TCF12: variants seen among roughly 807,000 people sequenced by gnomAD.
TCF12 encodes DNA-binding protein HTF4.
TCF12 carries 45 observed loss-of-function variants against 86.0 expected under a neutral mutation model. That is an observed-to-expected ratio of 0.52 (90% CI 0.41 to 0.67). The LOEUF is 0.67. TCF12 is among the 30% of genes least tolerant of loss of function. TCF12 has a pLI of 0.00. For missense variants in TCF12, 881 were observed against 859.9 expected (o/e 1.02, Z -0.31); for synonymous variants, 330 against 299.6 (o/e 1.10, Z -1.05).
At chr15:56,963,390 G>T (rs867453392) in intron 3 of TCF12, among the ~76,000 whole-genome samples, 2 of 152,266 alleles carry the variant, frequency 1.3e-5, no homozygotes, top group Middle Eastern at 3.4e-3. Flanking sequence ...GACAGTATAT[G>T]CTGCTTTTTG....
chr15:57,282,982 A>T (rs368676575), intron 20 of TCF12, among the ~76,000 whole-genome samples: 1 of 152,158 alleles, frequency 6.6e-6, no homozygotes, highest in Admixed American at 6.5e-5. Flanking sequence ...TATATCATCA[A>T]CCAGTTTTCT....
rs16977297 is a variant in TCF12, at chr15:57,198,047, T to A, written c.579+222T>A. ...TAGCTTACTCATATGCTCTTACTCC[T>A]TGTCCCTGTCATTTGAATTCCCCTC... On this transcript the variant is annotated intron_variant, in intron 8 of 20. Coordinates refer to ENST00000333725, the MANE Select transcript of TCF12 (RefSeq NM_207037.2). Among the ~76,000 whole-genome samples, 7,687 of 152,302 alleles carry A rather than the reference T, an allele frequency of 0.05. 539 individuals carry two copies. The highest frequency in any genetic ancestry group is 0.16 in the African/African-American group (6,634 of 41,524).
At chr15:57,251,008 T>C (rs1246267784) in intron 13 of TCF12, among the ~76,000 whole-genome samples, 1 of 151,384 alleles carries the variant, frequency 6.6e-6, no homozygotes, top group Non-Finnish European at 1.5e-5. Context: ...TACAATGCTA[T>C]AGGAAGGGGG....
At chr15:56,993,459 A>C (rs2063550781) in intron 3 of TCF12, among the ~76,000 whole-genome samples, 2 of 152,288 alleles carry the variant, frequency 1.3e-5, no homozygotes, top group South Asian at 4.1e-4. Flanking sequence ...AGTGTGACCC[A>C]AGAAGAGTAC....
At chr15:57,251,266 T>C (rs2060104373) in intron 13 of TCF12, 84 bp from the exon 14 acceptor site, 2 of 1,120,616 alleles carry the variant, frequency 1.8e-6, no homozygotes, top group African/African-American at 3.1e-5. Flanking sequence ...TATTTAGTTA[T>C]TGAGTATCTT....
intron 8 of TCF12, among the ~76,000 whole-genome samples, chr15:57,201,956 A>G (rs112066111): frequency 1.8e-4 from 28 of 152,160 alleles, no homozygotes; most frequent in Non-Finnish European, 3.7e-4. Context: ...TTGTCGGGGG[A>G]AAAAAAGGAA....
intron 6 of TCF12, among the ~76,000 whole-genome samples, chr15:57,190,330 G>A (rs2056914140): frequency 6.6e-6 from 1 of 152,152 alleles, no homozygotes; most frequent in Non-Finnish European, 1.5e-5. Flanking sequence ...GGCAGAGATT[G>A]GGCTATTAGG....
chr15:57,107,221 A>G lies in TCF12; in HGVS notation c.325+15330A>G, dbSNP rs532693834. Among the ~76,000 whole-genome samples, 3 of 152,308 alleles carry G rather than the reference A, an allele frequency of 2.0e-5. No homozygotes were observed. In the South Asian group the frequency reaches 6.2e-4, roughly 32 times the overall value. ...TGGTACATTCAGAGAGTGAAATATT[A>G]TTCAGTGCTAAAAAGAAATGAGCTA... On this transcript the variant is annotated intron_variant, in intron 5 of 20. Coordinates refer to ENST00000333725, the MANE Select transcript of TCF12 (RefSeq NM_207037.2).
Position 57,034,147 on chromosome 15 carries a change from T to G in TCF12, c.149-29603T>G, listed in dbSNP as rs2066364439. On this transcript the variant is annotated intron_variant, in intron 3 of 20. Transcript: ENST00000333725. ...CAAATGGCTTCTCTTTCCTTAGGTG[T>G]GCTTGGATAACCTAATTGATGTATA... is the stretch of plus-strand genomic sequence containing the variant. Among the ~76,000 whole-genome samples the G allele has an allele frequency of 2.0e-5, 3 of 152,348 alleles. No homozygotes were observed. The South Asian group carries it at 6.2e-4, about 32-fold the overall frequency.
chr15:57,063,440 A>G (rs1350138569), intron 3 of TCF12, among the ~76,000 whole-genome samples: 3 of 152,102 alleles, frequency 2.0e-5, no homozygotes, highest in Admixed American at 2.0e-4. Context: ...GGGTTCATCT[A>G]CTCCTAGAAG....
rs547954503 is a variant in TCF12, at chr15:57,096,183, T to C, written c.325+4292T>C. Among the ~76,000 whole-genome samples the C allele has an allele frequency of 2.5e-4, 38 of 152,300 alleles. 1 individual carries two copies. The South Asian group carries it at 7.7e-3, about 31-fold the overall frequency. On this transcript the variant is annotated intron_variant, in intron 5 of 20. Coordinates refer to ENST00000333725, the MANE Select transcript of TCF12 (RefSeq NM_207037.2). ...AAACGGTTCCACAGTGAAATAACTT[T>C]GGACACCATTGCGTATCAGTTGTTC...
chr15:57,020,766 A>G (rs1435470673), intron 3 of TCF12, among the ~76,000 whole-genome samples: 1 of 150,960 alleles, frequency 6.6e-6, no homozygotes, highest in East Asian at 2.0e-4. Flanking sequence ...TTTTGGGACT[A>G]TGTGTAGGTG....
chr15:57,133,273 T>C (rs1316646865), intron 5 of TCF12, among the ~76,000 whole-genome samples: 1 of 152,256 alleles, frequency 6.6e-6, no homozygotes, highest in Non-Finnish European at 1.5e-5. Flanking sequence ...GTTTTAGCAC[T>C]GCGTGCCTTG....
At chr15:57,252,743 T>C (rs1312375353) in intron 15 of TCF12, among the ~76,000 whole-genome samples, 1 of 152,184 alleles carries the variant, frequency 6.6e-6, no homozygotes, top group Non-Finnish European at 1.5e-5. Context: ...GGGGCATGTG[T>C]GTATCCACAG....
chr15:57,062,350 C>G (rs1293087276), intron 3 of TCF12, among the ~76,000 whole-genome samples: 1 of 152,058 alleles, frequency 6.6e-6, no homozygotes, highest in African/African-American at 2.4e-5. Context: ...GAACAAAACA[C>G]TGTTCACGTA....
At position 57,263,221 on chromosome 15, in the gene TCF12, A is replaced by G. The variant is rs749411550; in HGVS notation, c.1692A>G (p.Ser564=). 3.7e-6 allele frequency: 6 copies of G among 1,612,612 alleles called. No homozygotes were observed. The highest frequency in any genetic ancestry group is 4.5e-5 in the East Asian group (2 of 44,756). ...CTCCTTCATCAGATGACATGAAGTC[A>G]GATGATGAATCCTCCCAAAAAGATA... ...HEPPSSDDMK[S]DDESSQKDIK... is the part of the protein sequence containing the mutation. Residue 564 remains serine (S), a synonymous_variant, in exon 18 of 21, where the codon TCA becomes TCG. Coordinates refer to ENST00000333725, the MANE Select transcript of TCF12 (RefSeq NM_207037.2).
chr15:57,155,273 C>G (rs983350433), intron 5 of TCF12, among the ~76,000 whole-genome samples: 4 of 151,992 alleles, frequency 2.6e-5, no homozygotes, highest in African/African-American at 7.3e-5. Flanking sequence ...ACACTGTGAC[C>G]TGAATTTACT....
At chr15:57,088,624 G>A (rs1331113573) in intron 4 of TCF12, among the ~76,000 whole-genome samples, 1 of 151,104 alleles carries the variant, frequency 6.6e-6, no homozygotes, top group Admixed American at 6.6e-5. Context: ...TTTTTACTCT[G>A]TGTTTATGAA....
chr15:57,238,327 A>T (rs569196466), intron 12 of TCF12, among the ~76,000 whole-genome samples: 4 of 152,174 alleles, frequency 2.6e-5, no homozygotes, highest in African/African-American at 9.6e-5. Flanking sequence ...GATATAAAGG[A>T]GCTTTCACCA....
Sources: allele counts gnomAD v4.1 joint callset (sites outside exome capture counted in the v4.1 genomes callset), GRCh38; gene constraint gnomAD v4.1.1; transcripts MANE v1.5; gene names NCBI Gene and HGNC (gene_info 2026-07-23, HGNC 2026-07-21).